The following ST6GALNAC3 variants were observed in gnomAD, a reference collection of about 807,000 sequenced individuals.
ST6GALNAC3 encodes the protein alpha-N-acetylgalactosaminide alpha-2,6-sialyltransferase 3.
ST6GALNAC3 carries 25 observed loss-of-function variants against 32.7 expected under a neutral mutation model. The observed-to-expected ratio is 0.76, with a 90% CI of 0.56 to 1.07. The LOEUF (loss-of-function observed/expected upper bound fraction) is 1.07. ST6GALNAC3 is among the 50% of genes least tolerant of loss of function. The probability of loss-of-function intolerance (pLI) is 0.00; values close to 1 mark genes in which losing one functional copy is unlikely to be tolerated. For missense variants in ST6GALNAC3, 355 were observed against 382.4 expected, an observed-to-expected ratio of 0.93 and a Z score of 0.60; for synonymous variants, 129 against 133.1, an observed-to-expected ratio of 0.97 and a Z score of 0.21.
chr1:76,428,845 G>A (rs1395615690), intron 3 of ST6GALNAC3, among the ~76,000 whole-genome samples: 1 of 152,024 alleles, frequency 6.6e-6, no homozygotes, highest in Non-Finnish European at 1.5e-5. Context: ...TGCACTTCTC[G>A]TAAACAGGCT....
intron 3 of ST6GALNAC3, among the ~76,000 whole-genome samples, chr1:76,460,800 T>G (rs1357367832): frequency 1.3e-5 from 2 of 152,260 alleles, no homozygotes; most frequent in African/African-American, 4.8e-5. Flanking sequence ...ATTTTTTTCT[T>G]CACATTCTCT....
chr1:76,152,596 G>GTT (rs2100336246), intron 1 of ST6GALNAC3, among the ~76,000 whole-genome samples: 1 of 152,328 alleles, frequency 6.6e-6, no homozygotes, highest in African/African-American at 2.4e-5. Flanking sequence ...CCAGGAGGCT[G>GTT]TGCCAAGGAC....
chr1:76,410,162 G>A (rs941026866), intron 2 of ST6GALNAC3, among the ~76,000 whole-genome samples: 5 of 152,134 alleles, frequency 3.3e-5, no homozygotes, highest in Admixed American at 6.5e-5. Flanking sequence ...TTCATCTCAC[G>A]CAAACTGAAA....
chr1:76,111,951 G>T (rs1335214959), intron 1 of ST6GALNAC3, among the ~76,000 whole-genome samples: 1 of 152,108 alleles, frequency 6.6e-6, no homozygotes, highest in Non-Finnish European at 1.5e-5. Context: ...ATGAGCTGTT[G>T]AGTACACCTC....
intron 1 of ST6GALNAC3, among the ~76,000 whole-genome samples, chr1:76,114,711 C>T (rs988341405): frequency 1.3e-5 from 2 of 152,038 alleles, no homozygotes; most frequent in Non-Finnish European, 2.9e-5. Context: ...GAGTTCGAGA[C>T]CAGCCTGGCC....
intron 3 of ST6GALNAC3, among the ~76,000 whole-genome samples, chr1:76,548,736 C>G (rs1373432640): frequency 2.0e-5 from 3 of 152,160 alleles, no homozygotes; most frequent in African/African-American, 7.2e-5. Context: ...TTTTAGGCAG[C>G]CAAACTTCAG....
At chr1:76,342,967 G>T (rs1349878949) in intron 2 of ST6GALNAC3, among the ~76,000 whole-genome samples, 7 of 152,126 alleles carry the variant, frequency 4.6e-5, no homozygotes, top group Non-Finnish European at 8.8e-5. Context: ...ATAGATTCTG[G>T]ATATTAGCCC....
rs74848899 is a variant in ST6GALNAC3, at chr1:76,107,675, C to T, written c.18+32791C>T. 3.4e-3 allele frequency among the ~76,000 whole-genome samples: 514 copies of T among 152,296 alleles called. 2 individuals carry two copies. Among genetic ancestry groups the T allele is most frequent in the Admixed American group, 6.1e-3 (94 of 15,304 alleles). ...GAGCCCTCTTTTCTCTTGCCCCACC[C>T]GCCAGCCCACCTCCTGTTCAAATAC... On this transcript the variant is annotated intron_variant, in intron 1 of 4. Coordinates refer to ENST00000328299, the MANE Select transcript of ST6GALNAC3 (RefSeq NM_152996.4).
At chr1:76,308,097 G>A (rs949097136) in intron 1 of ST6GALNAC3, among the ~76,000 whole-genome samples, 4 of 152,074 alleles carry the variant, frequency 2.6e-5, no homozygotes, top group African/African-American at 9.7e-5. Flanking sequence ...ATCTATTTGG[G>A]CACAGTGACA....
chr1:76,240,625 C>T (rs1181623511), intron 1 of ST6GALNAC3, among the ~76,000 whole-genome samples: 1 of 152,172 alleles, frequency 6.6e-6, no homozygotes, highest in African/African-American at 2.4e-5. Flanking sequence ...ATGGGGATGC[C>T]CGGAGCAATC....
chr1:76,622,092 C>T (rs1049114791), intron 3 of ST6GALNAC3, among the ~76,000 whole-genome samples: 1 of 151,918 alleles, frequency 6.6e-6, no homozygotes, highest in Non-Finnish European at 1.5e-5. Context: ...GAAATGTTAG[C>T]TTTGAGTGCC....
intron 3 of ST6GALNAC3, among the ~76,000 whole-genome samples, chr1:76,474,471 C>T (rs12124525): frequency 0.041 from 6,205 of 152,102 alleles, 143 homozygotes; most frequent in Non-Finnish European, 0.062. Flanking sequence ...AGATTGTGAA[C>T]AGCAATATGG....
At chr1:76,371,498 G>A (rs1650813762) in intron 2 of ST6GALNAC3, among the ~76,000 whole-genome samples, 1 of 152,156 alleles carries the variant, frequency 6.6e-6, no homozygotes, top group South Asian at 2.1e-4. Flanking sequence ...GGATATGTTG[G>A]AGACAGAAAA....
At chr1:76,571,670 A>G (rs1665868166) in intron 3 of ST6GALNAC3, among the ~76,000 whole-genome samples, 1 of 152,116 alleles carries the variant, frequency 6.6e-6, no homozygotes, top group South Asian at 2.1e-4. Context: ...AAGGTTTCCT[A>G]TGCCTGAGTG....
At chr1:76,087,321 C>A (rs1290075852) in intron 1 of ST6GALNAC3, among the ~76,000 whole-genome samples, 1 of 152,170 alleles carries the variant, frequency 6.6e-6, no homozygotes, top group African/African-American at 2.4e-5. Flanking sequence ...TACATTATTT[C>A]AGATTTATGT....
At chr1:76,266,922 G>T (rs1658560736) in intron 1 of ST6GALNAC3, among the ~76,000 whole-genome samples, 1 of 152,148 alleles carries the variant, frequency 6.6e-6, no homozygotes, top group Non-Finnish European at 1.5e-5. Flanking sequence ...TTTTCTTTGG[G>T]TTATATCCAG....
intron 1 of ST6GALNAC3, among the ~76,000 whole-genome samples, chr1:76,197,373 TTGTC>T (rs1654263603): frequency 6.6e-6 from 1 of 152,094 alleles, no homozygotes; most frequent in Admixed American, 6.6e-5. Context: ...TGGACTCTGA[TTGTC>T]AGTCTGGGAG....
At chr1:76,323,074 G>A (rs1175527409) in intron 2 of ST6GALNAC3, among the ~76,000 whole-genome samples, 2 of 152,222 alleles carry the variant, frequency 1.3e-5, no homozygotes, top group South Asian at 2.1e-4. Flanking sequence ...CATAATATGT[G>A]TATTTGAGTA....
At chr1:76,251,068 C>T (rs1472047533) in intron 1 of ST6GALNAC3, among the ~76,000 whole-genome samples, 1 of 152,140 alleles carries the variant, frequency 6.6e-6, no homozygotes, top group East Asian at 1.9e-4. Context: ...ATCTTTCACA[C>T]ATTGAAAGTC....
Sources: gnomAD v4.1 joint callset for allele counts (sites outside exome capture counted in the v4.1 genomes callset) on GRCh38, gnomAD v4.1.1 for gene constraint, MANE v1.5 for transcripts, NCBI Gene and HGNC (gene_info 2026-07-23, HGNC 2026-07-21) for gene names.